EPS8L1: variants seen among roughly 807,000 people sequenced by gnomAD.
EPS8L1 encodes the protein EPS8 signaling adaptor L1.
A neutral mutation model predicts 91.7 loss-of-function variants in EPS8L1; 101 were observed. That is an observed-to-expected ratio of 1.10 (90% CI 0.94 to 1.30). The LOEUF (loss-of-function observed/expected upper bound fraction) is 1.30, where lower values mean the gene tolerates loss of function less well. Ranked by LOEUF, EPS8L1 falls within the 50% of genes most tolerant of loss-of-function variation. The pLI is 0.00. For missense variants in EPS8L1, 1,114 were observed against 1,017.0 expected, an observed-to-expected ratio of 1.10 and a Z score of -1.30; for synonymous variants, 506 against 445.3, an observed-to-expected ratio of 1.14 and a Z score of -1.72.
chr19:55,080,063 T>G (rs758163227), intron 5 of EPS8L1, 66 bp from the exon 6 acceptor site: 117 of 1,456,534 alleles, frequency 8.0e-5, no homozygotes, highest in Non-Finnish European at 8.3e-5. Context: ...TGGCCCACAC[T>G]CCCGTCGCCA....
Position 55,080,829 on chromosome 19 carries a change from G to T in EPS8L1, c.487G>T (p.Gly163Trp). ...GALHNYRSGRGERRAAALRAT... is the reference protein window; with the variant it reads ...GALHNYRSGRWERRAAALRAT... ...TCTGCACAATTACCGCTCGGGCCGC[G>T]GGGAGCGCAGGGCGGCGGCGCTCAG... The change falls in exon 7 of 20, where the codon GGG (glycine) becomes TGG (tryptophan). Residue 163 changes from glycine (G) to tryptophan (W), a missense_variant. By Grantham distance (184) the Gly-to-Trp change is radical (BLOSUM62 -2). Coordinates refer to ENST00000201647, the MANE Select transcript of EPS8L1 (RefSeq NM_133180.3). 6.2e-7 allele frequency: 1 copy of T among 1,611,360 alleles called. No homozygotes were observed. The highest frequency in any genetic ancestry group is 8.5e-7 in the Non-Finnish European group (1 of 1,178,698).
chr19:55,084,338 C>A, intron 14 of EPS8L1: 1 of 153,204 alleles, frequency 6.5e-6, no homozygotes. Flanking sequence ...ACTCCTAGGT[C>A]CCTGGGGGAG....
chr19:55,078,297 G>T (rs28484995), intron 3 of EPS8L1, among the ~76,000 whole-genome samples, 169 bp downstream of exon 3: 20 of 61,562 alleles, frequency 3.2e-4, no homozygotes, highest in African/African-American at 1.2e-3. Context: ...GGGCTGGGGG[G>T]CTGGACTCCT....
Position 55,081,748 on chromosome 19 carries a change from A to G in EPS8L1, c.775-25A>G, listed in dbSNP as rs1306039185. 3.8e-6 allele frequency: 6 copies of G among 1,582,850 alleles called. No homozygotes were observed. Among genetic ancestry groups the G allele is most frequent in the Non-Finnish European group, 3.4e-6 (4 of 1,162,076 alleles). Reference sequence around the variant, plus strand: ...ATGGTTTTGGAACTCGGGAGCCCTGAGCGTCCCCCTCCTCTGTCCCCTAGG... The same window carrying G: ...ATGGTTTTGGAACTCGGGAGCCCTGGGCGTCCCCCTCCTCTGTCCCCTAGG... On this transcript the variant is annotated intron_variant, in intron 8 of 19. Coordinates refer to ENST00000201647, the MANE Select transcript of EPS8L1 (RefSeq NM_133180.3). This position sits in a 1 kb window ranked among gnomAD's most constrained non-coding sequence, Gnocchi z 4.9.
intron 2 of EPS8L1, 128 bp downstream of exon 2, chr19:55,076,589 A>G: frequency 8.7e-7 from 1 of 1,144,042 alleles, no homozygotes; most frequent in South Asian, 1.5e-5. Context: ...AAGCCCCGAC[A>G]CTCAGGAGGA....
chr19:55,076,139 GC>G (rs1568770067), intron 1 of EPS8L1, among the ~76,000 whole-genome samples: 4 of 38,042 alleles, frequency 1.1e-4, no homozygotes, highest in African/African-American at 6.2e-4. Flanking sequence ...AGGAGATGGG[GC>G]CTGGACTCCT....
At chr19:55,076,535 C>T (rs2076138809) in intron 2 of EPS8L1, 74 bp downstream of exon 2, 21 of 1,541,626 alleles carry the variant, frequency 1.4e-5, no homozygotes, top group Non-Finnish European at 1.9e-5. Context: ...CCCACACCCG[C>T]TTGCGGCAGC....
chr19:55,086,905 C>T lies in EPS8L1; in HGVS notation c.1952+17C>T, dbSNP rs1401728157. ...TAGCTCCGGGTGAGTGGGGCCGGGG[C>T]CCTCTCGGCGCGGGTTGATACGGAC... On this transcript the variant is annotated intron_variant, in intron 18 of 19. Transcript: ENST00000201647. 1 of 1,415,358 alleles carries T rather than the reference C, an allele frequency of 7.1e-7. No individual in the cohort carries two copies. The allele number at this position is 1,415,358 out of a possible 1,614,324, so 87.7% of individuals were successfully genotyped here.
Position 55,081,847 on chromosome 19 carries a change from G to T in EPS8L1, c.849G>T (p.Arg283Ser). The T allele has an allele frequency of 6.2e-7, 1 of 1,611,780 alleles. No individual in the cohort carries two copies. The highest frequency in any genetic ancestry group is 8.5e-7 in the Non-Finnish European group (1 of 1,178,770). The change falls in exon 9 of 20, where the codon AGG (arginine) becomes AGT (serine). Residue 283 changes from arginine (R) to serine (S), a missense_variant. Physicochemically the swap from Arg to Ser is moderately radical, Grantham distance 110. Coordinates refer to ENST00000201647, the MANE Select transcript of EPS8L1 (RefSeq NM_133180.3). The surrounding 1 kb of genome is among the most constrained non-coding windows in gnomAD (Gnocchi z 4.9). ...TGCAGAAGTCGGCGGAGGCGGCCAGGGTGCTGGAGCACCGGGAACGCGGCC... is the reference window on the plus strand; with the variant it reads ...TGCAGAAGTCGGCGGAGGCGGCCAGTGTGCTGGAGCACCGGGAACGCGGCC... ...SRLQKSAEAA[R>S]VLEHRERGRR...
In EPS8L1 at chr19:55,083,448, A is replaced by C; in HGVS notation, c.1285A>C (p.Thr429Pro). 6.2e-7 allele frequency: 1 copy of C among 1,612,708 alleles called. No individual in the cohort carries two copies. Among genetic ancestry groups the C allele is most frequent in the Non-Finnish European group, 8.5e-7 (1 of 1,179,840 alleles). ...EFFSGWEPPV[T>P]DPQSRAWEDP... The stretch of plus-strand genomic sequence containing the variant: ...CTTCAGCGGCTGGGAGCCGCCGGTC[A>C]CTGACCCGCAGAGCCGCGCCTGGGA... Residue 429 changes from threonine (T) to proline (P), a missense_variant, in exon 13 of 20, where the codon ACT becomes CCT. Physicochemically the swap from Thr to Pro is conservative, Grantham distance 38 (BLOSUM62 -1). Transcript: ENST00000201647. The surrounding 1 kb of genome is among the most constrained non-coding windows in gnomAD (Gnocchi z 4.7).
intron 10 of EPS8L1, 22 bp downstream of exon 10, chr19:55,082,202 G>C (rs767407329): frequency 6.3e-7 from 1 of 1,591,538 alleles, no homozygotes; most frequent in Non-Finnish European, 8.6e-7. Flanking sequence ...CCCGCCCCTG[G>C]GCCGGGGCGC....
In EPS8L1 at chr19:55,087,667, C is replaced by T; in HGVS notation, c.*53C>T. On this transcript the variant is annotated 3_prime_UTR_variant, in exon 20 of 20. Coordinates refer to ENST00000201647, the MANE Select transcript of EPS8L1 (RefSeq NM_133180.3). ...ACGAGGCCCCGTGGGAGAACGGACT[C>T]CTCAGACTCTCCCCAATAGCGGAAG... 3 of 1,570,644 alleles carry T rather than the reference C, an allele frequency of 1.9e-6. No homozygotes were observed. The highest frequency in any genetic ancestry group is 3.4e-5 in the Admixed American group (2 of 58,180).
At chr19:55,082,673 A>T in intron 12 of EPS8L1, 71 bp downstream of exon 12, 1 of 1,410,402 alleles carries the variant, frequency 7.1e-7, no homozygotes, top group South Asian at 1.3e-5. Flanking sequence ...GGTGGGTGGC[A>T]TGATGATTGG....
At chr19:55,080,924 C>T (rs935786601) in intron 7 of EPS8L1, 70 bp downstream of exon 7, 1 of 1,390,084 alleles carries the variant, frequency 7.2e-7, no homozygotes, top group South Asian at 1.4e-5. Flanking sequence ...GTCTACAACA[C>T]CAGCCTGGAA....
At position 55,082,232 on chromosome 19, in the gene EPS8L1, C is replaced by G. The variant is rs753258683; in HGVS notation, c.991-43C>G. 26 of 1,599,542 alleles carry G rather than the reference C, an allele frequency of 1.6e-5. No individual in the cohort carries two copies. The East Asian group carries it at 4.5e-4, about 28-fold the overall frequency. ...GGGCGCGGGCACGACGAACCTGTCC[C>G]GTCCCCGCACCCACGCCAACCACCT... On this transcript the variant is annotated intron_variant, in intron 10 of 19. Transcript: ENST00000201647.
chr19:55,086,993 G>C (rs1371548053), intron 18 of EPS8L1, 105 bp downstream of exon 18: 1 of 1,362,134 alleles, frequency 7.3e-7, no homozygotes, highest in Non-Finnish European at 9.5e-7. Flanking sequence ...AGACCACAGG[G>C]AGCCGGGATT....
rs1262550452 is a variant in EPS8L1 at position 55,080,100 on chromosome 19, T to C, written c.280-29T>C. The stretch of plus-strand genomic sequence containing the variant: ...TTAGTAGTACCATCATTTCGGGGCC[T>C]CAGTTTACCCCGCCATCCCACCCGG... On this transcript the variant is annotated intron_variant, in intron 5 of 19. Transcript: ENST00000201647. The C allele has an allele frequency of 2.7e-6, 4 of 1,470,684 alleles. No individual in the cohort carries two copies. In the African/African-American group the frequency reaches 4.3e-5, roughly 16 times the overall value. 91.1% of individuals were successfully genotyped at this position (1,470,684 alleles called of 1,614,324 possible).
chr19:55,084,032 T>C (rs2076330008), intron 14 of EPS8L1: 3 of 446,022 alleles, frequency 6.7e-6, no homozygotes, highest in Non-Finnish European at 1.2e-5. Flanking sequence ...GCCCTGGATA[T>C]TGGAGGGGAG....
intron 16 of EPS8L1, 87 bp downstream of exon 16, chr19:55,086,279 G>A (rs1390515956): frequency 6.2e-7 from 1 of 1,611,494 alleles, no homozygotes; most frequent in Non-Finnish European, 8.5e-7. Context: ...CAGCTGTCAA[G>A]AGTGCTGGAG....
Sources: allele counts gnomAD v4.1 joint callset (sites outside exome capture counted in the v4.1 genomes callset), GRCh38; gene constraint gnomAD v4.1.1; non-coding constraint Gnocchi (gnomAD v3.1); transcripts MANE v1.5; gene names NCBI Gene and HGNC (gene_info 2026-07-23, HGNC 2026-07-21).